TXNDC8: variants seen among roughly 807,000 people sequenced by gnomAD.
The protein encoded by TXNDC8 is thioredoxin domain-containing protein 8.
In TXNDC8, 15 loss-of-function variants were observed where a neutral mutation model predicts 12.9. The ratio of observed to expected loss-of-function variants is 1.16; its 90% CI spans 0.78 to 1.79. The LOEUF (loss-of-function observed/expected upper bound fraction) is 1.79. Ranked by LOEUF, TXNDC8 falls within the 40% of genes most tolerant of loss-of-function variation. The pLI is 0.00. For missense variants in TXNDC8, 128 were observed against 113.2 expected (o/e 1.13, Z -0.59); for synonymous variants, 40 against 35.4 (o/e 1.13, Z -0.46).
At chr9:110,312,557 T>C (rs1440184907) in intron 3 of TXNDC8, among the ~76,000 whole-genome samples, 1 of 152,206 alleles carries the variant, frequency 6.6e-6, no homozygotes, top group Non-Finnish European at 1.5e-5. Flanking sequence ...GGAATTCCCA[T>C]AGGCATTTGA....
chr9:110,323,267 A>C lies in TXNDC8; in HGVS notation c.195+2908T>G, dbSNP rs1350316352. The C allele has an allele frequency of 5.1e-6, 5 of 985,316 alleles. No individual in the cohort carries two copies. The African/African-American group carries it at 8.7e-5, about 17-fold the overall frequency. 61.0% of individuals were successfully genotyped at this position (985,316 alleles called of 1,614,324 possible). A position where few individuals can be genotyped will look rare whatever the true frequency, so the allele number is the denominator to read the frequency against. The stretch of plus-strand genomic sequence containing the variant: ...GGTAGAATGGGAAATGGATTGAACC[A>C]AAAAGATAGATATCCAAAACGGATA... On this transcript the variant is annotated intron_variant, in intron 3 of 4. Coordinates refer to ENST00000423740, the MANE Select transcript of TXNDC8 (RefSeq NM_001286946.2).
chr9:110,323,998 A>C (rs1839212084), intron 3 of TXNDC8: 1 of 1,550,010 alleles, frequency 6.5e-7, no homozygotes, highest in Admixed American at 2.0e-5. Context: ...CTGGAGATGG[A>C]GCCCTAAGGA....
At chr9:110,306,151 G>A (rs1382511568) in intron 3 of TXNDC8, among the ~76,000 whole-genome samples, 2 of 152,172 alleles carry the variant, frequency 1.3e-5, no homozygotes, top group African/African-American at 4.8e-5. Context: ...ACAGGTGTGA[G>A]CCACCATGCC....
At chr9:110,318,423 G>A (rs1838962741) in intron 3 of TXNDC8, among the ~76,000 whole-genome samples, 1 of 152,182 alleles carries the variant, frequency 6.6e-6, no homozygotes, top group Non-Finnish European at 1.5e-5. Flanking sequence ...GAGAAGAGCA[G>A]GGTAGGTACT....
intron 3 of TXNDC8, chr9:110,323,161 G>C (rs948017510): frequency 1.4e-5 from 14 of 985,254 alleles, no homozygotes; most frequent in Non-Finnish European, 1.6e-5. Context: ...TTGAGGGTGA[G>C]GAGGGGGCAT....
Position 110,303,699 on chromosome 9 carries a change from C to T in TXNDC8, c.271G>A (p.Asp91Asn), listed in dbSNP as rs1221406115. The T allele has an allele frequency of 6.3e-7, 1 of 1,590,862 alleles. No individual in the cohort carries two copies. Among genetic ancestry groups the T allele is most frequent in the Non-Finnish European group, 8.6e-7 (1 of 1,165,220 alleles). Residue 91 changes from aspartate (D) to asparagine (N), a missense_variant, in exon 5 of 5, where the codon GAT becomes AAT. By Grantham distance (23) the Asp-to-Asn change is conservative (BLOSUM62 1). Coordinates refer to ENST00000423740, the MANE Select transcript of TXNDC8 (RefSeq NM_001286946.2). ...GTTAAATCCTACTCATTTCCATCAT[C>T]TGCAAGACACTTTAAATATAAATAT...
At chr9:110,305,099 G>A (rs917849580) in intron 3 of TXNDC8, among the ~76,000 whole-genome samples, 1 of 124,692 alleles carries the variant, frequency 8.0e-6, no homozygotes, top group South Asian at 2.6e-4. Context: ...AGTGAGCCAC[G>A]ATCAAGCCAC....
At chr9:110,323,696 T>C (rs574372749) in intron 3 of TXNDC8, 11 of 724,064 alleles carry the variant, frequency 1.5e-5, no homozygotes, top group Admixed American at 3.4e-5. Context: ...GGGGATAGTG[T>C]AGGCTTCAGG....
chr9:110,308,475 TTG>T (rs1838543191), intron 3 of TXNDC8, among the ~76,000 whole-genome samples: 2 of 148,332 alleles, frequency 1.3e-5, no homozygotes, highest in Admixed American at 6.6e-5. Flanking sequence ...GTTTTTTTTT[TTG>T]TTGTTGTTGT....
At chr9:110,323,704 A>G (rs1839197232) in intron 3 of TXNDC8, 2 of 751,312 alleles carry the variant, frequency 2.7e-6, no homozygotes, top group African/African-American at 3.6e-5. Context: ...TGTAGGCTTC[A>G]GGCATGGATA....
At chr9:110,301,364 T>G (rs1587941316), downstream of TXNDC8, among the ~76,000 whole-genome samples, 1 of 152,366 alleles carries the variant, frequency 6.6e-6, no homozygotes, top group South Asian at 2.1e-4. Flanking sequence ...GTCTAGCAAG[T>G]ACACTAAATA....
intron 3 of TXNDC8, among the ~76,000 whole-genome samples, chr9:110,309,330 TTTTA>T (rs927158644): frequency 2.0e-5 from 3 of 151,844 alleles, no homozygotes; most frequent in Admixed American, 6.6e-5. Flanking sequence ...CAAAAATTAA[TTTTA>T]TTTATTTATT....
chr9:110,332,152 T>C (rs1179683554), intron 2 of TXNDC8, among the ~76,000 whole-genome samples: 2 of 152,244 alleles, frequency 1.3e-5, no homozygotes, highest in Non-Finnish European at 2.9e-5. Flanking sequence ...GGAGATCCTC[T>C]TTCCTAAGTC....
intron 2 of TXNDC8, among the ~76,000 whole-genome samples, chr9:110,327,488 A>C (rs1839377014): frequency 6.6e-6 from 1 of 151,922 alleles, no homozygotes; most frequent in African/African-American, 2.4e-5. Context: ...ACGCCTGGCC[A>C]ATTTTTGTAT....
chr9:110,327,459 ATTACAGGT>A (rs541219821), intron 2 of TXNDC8, among the ~76,000 whole-genome samples: 134 of 152,020 alleles, frequency 8.8e-4, no homozygotes, highest in African/African-American at 3.2e-3. Context: ...AGTAGCTGGG[ATTACAGGT>A]GTGCATCATC....
chr9:110,319,251 G>T (rs1839002222), intron 3 of TXNDC8, among the ~76,000 whole-genome samples: 1 of 152,198 alleles, frequency 6.6e-6, no homozygotes, highest in African/African-American at 2.4e-5. Flanking sequence ...TATTGGGTAG[G>T]CAACCCCTGA....
intron 3 of TXNDC8, among the ~76,000 whole-genome samples, chr9:110,311,566 C>CTATATA (rs1358597134): frequency 1.3e-5 from 1 of 75,696 alleles, no homozygotes; most frequent in African/African-American, 4.9e-5. Context: ...TATCTCCATA[C>CTATATA]TATATATATA....
chr9:110,321,777 CA>C (rs1839106596), intron 3 of TXNDC8, among the ~76,000 whole-genome samples: 1 of 151,830 alleles, frequency 6.6e-6, no homozygotes, highest in South Asian at 2.1e-4. Context: ...GCTGGCCATC[CA>C]AACCTGCCTC....
intron 2 of TXNDC8, among the ~76,000 whole-genome samples, chr9:110,327,073 A>G (rs989543307): frequency 6.6e-6 from 1 of 152,132 alleles, no homozygotes; most frequent in African/African-American, 2.4e-5. Context: ...TTTTACCTTC[A>G]AAGACAATGA....
Sources: allele counts gnomAD v4.1 joint callset (sites outside exome capture counted in the v4.1 genomes callset), GRCh38; gene constraint gnomAD v4.1.1; transcripts MANE v1.5; gene names NCBI Gene and HGNC (gene_info 2026-07-23, HGNC 2026-07-21).